Variants in CEP170 observed in about 807,000 individuals in gnomAD.
The protein encoded by CEP170 is centrosomal protein 170, also known as centrosomal protein of 170 kDa.
A neutral mutation model predicts 151.9 loss-of-function variants in CEP170; 21 were observed. That is an observed-to-expected ratio of 0.14 (90% CI 0.10 to 0.20). The LOEUF is 0.20. CEP170 is among the 10% of genes least tolerant of loss of function. The pLI, the probability that CEP170 is intolerant of heterozygous loss-of-function variation, is 1.00. For missense variants in CEP170, 964 were observed against 1,892.9 expected (o/e 0.51, Z 9.11); for synonymous variants, 356 against 648.8 (o/e 0.55, Z 6.86).
intron 4 of CEP170, among the ~76,000 whole-genome samples, chr1:243,202,296 A>T (rs968060944): frequency 6.6e-6 from 1 of 152,156 alleles, no homozygotes; most frequent in African/African-American, 2.4e-5. Context: ...CTGGATAATC[A>T]GAAGTGGGGA....
intron 8 of CEP170, among the ~76,000 whole-genome samples, chr1:243,186,681 A>T (rs2059957624): frequency 6.6e-6 from 1 of 152,198 alleles, no homozygotes; most frequent in Non-Finnish European, 1.5e-5. Flanking sequence ...ATGTTTCATC[A>T]ATGTCTTAAT....
chr1:243,166,572 T>C (rs529384172), intron 12 of CEP170: 4 of 156,108 alleles, frequency 2.6e-5, no homozygotes, highest in African/African-American at 9.7e-5. Context: ...TTTTGAGATG[T>C]AAGTTAAAAA....
chr1:243,132,344 A>G (rs1436083333), intron 17 of CEP170, among the ~76,000 whole-genome samples: 4 of 152,202 alleles, frequency 2.6e-5, no homozygotes, highest in South Asian at 2.1e-4. Context: ...CTTTGCCTTT[A>G]TATCTCTAAC....
intron 1 of CEP170, among the ~76,000 whole-genome samples, chr1:243,236,250 T>C (rs1280709067): frequency 2.0e-5 from 3 of 152,202 alleles, no homozygotes; most frequent in Non-Finnish European, 4.4e-5. Flanking sequence ...GGCCTTCAGC[T>C]ACCAAATATG....
At chr1:243,153,726 G>GA (rs531474174) in intron 14 of CEP170, among the ~76,000 whole-genome samples, 4,582 of 151,104 alleles carry the variant, frequency 0.03, 233 homozygotes, top group African/African-American at 0.11. Flanking sequence ...CATGCACTAG[G>GA]AAAAAAAAAC....
intron 19 of CEP170, among the ~76,000 whole-genome samples, chr1:243,127,507 A>G (rs1264476566): frequency 2.0e-5 from 3 of 152,198 alleles, no homozygotes; most frequent in African/African-American, 7.2e-5. Flanking sequence ...CCCCCAGTCT[A>G]CCAGCTAACA....
intron 4 of CEP170, chr1:243,211,469 G>T (rs2061799592): frequency 6.3e-6 from 1 of 159,854 alleles, no homozygotes; most frequent in Admixed American, 6.4e-5. Context: ...AGGGATGGAA[G>T]GAAAAGTAGG....
At chr1:243,214,272 G>A (rs1016121358) in intron 3 of CEP170, among the ~76,000 whole-genome samples, 1 of 146,758 alleles carries the variant, frequency 6.8e-6, no homozygotes, top group Admixed American at 7.1e-5. Context: ...AAAATTATAA[G>A]CTGTAAAGTT....
intron 3 of CEP170, among the ~76,000 whole-genome samples, chr1:243,219,287 A>G (rs969232013): frequency 1.3e-5 from 2 of 152,228 alleles, no homozygotes; most frequent in African/African-American, 4.8e-5. Flanking sequence ...CTTTGCTTTC[A>G]TAAACTTCAA....
rs377622399 is a variant in CEP170, at chr1:243,156,392, G to A, written c.3740C>T (p.Ser1247Leu). 1 of 1,556,364 alleles carries A rather than the reference G, an allele frequency of 6.4e-7. No homozygotes were observed. Among genetic ancestry groups the A allele is most frequent in the Non-Finnish European group, 8.7e-7 (1 of 1,149,874 alleles). The change falls in exon 14 of 20, where the codon TCA (serine) becomes TTA (leucine). Residue 1247 changes from serine (S) to leucine (L), a missense_variant. Transcript: ENST00000366542. ...YASTSEDEFG[S>L]NRNSPKHTRL... ...GGTATGTTTAGGGGAATTACGGTTTGATCCAAATTCATCTTCTGAGGTGGA... is the reference window on the plus strand; with the variant it reads ...GGTATGTTTAGGGGAATTACGGTTTAATCCAAATTCATCTTCTGAGGTGGA...
In CEP170 at chr1:243,169,748, T is replaced by C; in HGVS notation, c.1723A>G (p.Thr575Ala). Residue 575 changes from threonine (T) to alanine (A), a missense_variant, in exon 12 of 20, where the codon ACA becomes GCA. Thr to Ala is a moderately conservative substitution (Grantham distance 58). Coordinates refer to ENST00000366542, the MANE Select transcript of CEP170 (RefSeq NM_014812.3). ...CAACGTTTGCTTCCAGATGAAGATGTGCCTTCCTAAAGGAGAAAAATAAGA... is the reference window on the plus strand; with the variant it reads ...CAACGTTTGCTTCCAGATGAAGATGCGCCTTCCTAAAGGAGAAAAATAAGA... ...TSGFHHSEEG[T>A]SSSGSKRWVS... 5.6e-6 allele frequency: 9 copies of C among 1,612,184 alleles called. No individual in the cohort carries two copies. The highest frequency in any genetic ancestry group is 6.8e-6 in the Non-Finnish European group (8 of 1,179,314).
intron 13 of CEP170, 129 bp downstream of exon 13, chr1:243,164,155 T>C (rs2058280214): frequency 1.4e-5 from 17 of 1,200,800 alleles, no homozygotes; most frequent in Middle Eastern, 3.2e-4. Context: ...CTGCCCCGTA[T>C]ATCATAACTT....
chr1:243,163,751 T>A (rs188828538), intron 13 of CEP170, among the ~76,000 whole-genome samples: 561 of 152,194 alleles, frequency 3.7e-3, no homozygotes, highest in Non-Finnish European at 5.8e-3. Flanking sequence ...AAAGTATAGG[T>A]AAAGTATGTG....
At chr1:243,132,306 T>C (rs1373249203) in intron 17 of CEP170, among the ~76,000 whole-genome samples, 3 of 152,240 alleles carry the variant, frequency 2.0e-5, no homozygotes, top group Non-Finnish European at 4.4e-5. Flanking sequence ...AAGCCTTCCC[T>C]AAACCTCCTA....
chr1:243,230,930 A>G (rs1399655456), intron 1 of CEP170, among the ~76,000 whole-genome samples: 1 of 152,180 alleles, frequency 6.6e-6, no homozygotes. Context: ...GCTCCACACA[A>G]GAAACATTAC....
intron 1 of CEP170, among the ~76,000 whole-genome samples, chr1:243,234,128 A>G (rs2064038911): frequency 6.6e-6 from 1 of 152,160 alleles, no homozygotes; most frequent in Admixed American, 6.6e-5. Context: ...CTCTCACCCC[A>G]CAACTCCTGC....
At chr1:243,202,669 T>C (rs1388260731) in intron 4 of CEP170, among the ~76,000 whole-genome samples, 1 of 152,080 alleles carries the variant, frequency 6.6e-6, no homozygotes, top group African/African-American at 2.4e-5. Context: ...GTTACAGATG[T>C]GAGTTCCCTG....
At chr1:243,233,880 A>T (rs1398106012) in intron 1 of CEP170, among the ~76,000 whole-genome samples, 2 of 152,046 alleles carry the variant, frequency 1.3e-5, no homozygotes, top group Non-Finnish European at 2.9e-5. Context: ...ATAATAAGTA[A>T]GTGCACTTGA....
intron 17 of CEP170, among the ~76,000 whole-genome samples, chr1:243,133,775 T>G (rs184817774): frequency 1.3e-5 from 2 of 152,314 alleles, no homozygotes; most frequent in Admixed American, 1.3e-4. Context: ...CTAGGAATGA[T>G]GGAGTCACTA....
Sources: gnomAD v4.1 joint callset for allele counts (sites outside exome capture counted in the v4.1 genomes callset) on GRCh38, gnomAD v4.1.1 for gene constraint, MANE v1.5 for transcripts, NCBI Gene and HGNC (gene_info 2026-07-23, HGNC 2026-07-21) for gene names.